Variants in FAT4 observed in about 807,000 individuals in gnomAD.
The protein encoded by FAT4 is protocadherin Fat 4.
FAT4 carries 84 observed loss-of-function variants against 303.9 expected under a neutral mutation model. The ratio of observed to expected loss-of-function variants is 0.28; its 90% CI spans 0.23 to 0.33. The LOEUF (loss-of-function observed/expected upper bound fraction) is 0.33. Among genes scored for constraint, FAT4 ranks in the 10% least tolerant of loss-of-function variants. The pLI, the probability that FAT4 is intolerant of heterozygous loss-of-function variation, is 1.00. For synonymous variants in FAT4, 2,307 were observed against 2,298.8 expected (o/e 1.00, Z -0.10); for missense variants, 6,005 against 6,146.8 (o/e 0.98, Z 0.77).
In FAT4 at chr4:125,452,778, G is replaced by T. The variant is rs751299392; in HGVS notation, c.11768G>T (p.Ser3923Ile). 1 of 1,613,280 alleles carries T rather than the reference G, an allele frequency of 6.2e-7. No homozygotes were observed. Among genetic ancestry groups the T allele is most frequent in the Admixed American group, 1.7e-5 (1 of 59,960 alleles). Residue 3923 changes from serine to isoleucine, a missense_variant, in exon 10 of 18, where the codon AGC becomes ATC. Transcript: ENST00000394329. ...NGAICQNFPG[S>I]FNCVCKTGYT... is the part of the protein sequence containing the mutation. Reference sequence around the variant, plus strand: ...GCCATCTGCCAGAATTTTCCAGGAAGCTTCAACTGTGTTTGCAAAACTGGA... The same window carrying T: ...GCCATCTGCCAGAATTTTCCAGGAATCTTCAACTGTGTTTGCAAAACTGGA...
chr4:125,377,779 T>C (rs1733389258), intron 2 of FAT4, among the ~76,000 whole-genome samples: 1 of 151,968 alleles, frequency 6.6e-6, no homozygotes, highest in Non-Finnish European at 1.5e-5. Flanking sequence ...AAAACAAAAT[T>C]AGGACATTTT....
intron 2 of FAT4, among the ~76,000 whole-genome samples, chr4:125,346,112 A>G (rs1248747929): frequency 6.6e-6 from 1 of 152,074 alleles, no homozygotes. Context: ...TTTGAAGTTC[A>G]GTGGACTGAA....
At position 125,451,071 on chromosome 4, in the gene FAT4, C is replaced by A. The variant is rs145285004; in HGVS notation, c.10061C>A (p.Thr3354Asn). 14 of 1,614,008 alleles carry A rather than the reference C, an allele frequency of 8.7e-6. No individual in the cohort carries two copies. In the Admixed American group the frequency reaches 1.0e-4, roughly 12 times the overall value. ...AAGGGTTTCCAGATCAATAAGAAGA[C>A]TGGACAGATTTATGTTTCTGGAATT... ...RKKGFQINKK[T>N]GQIYVSGILD... Residue 3354 changes from threonine (T) to asparagine (N), a missense_variant, in exon 10 of 18, where the codon ACT becomes AAT. Transcript: ENST00000394329.
At chr4:125,408,959 A>C (rs753672585) in intron 5 of FAT4, among the ~76,000 whole-genome samples, 165 bp downstream of exon 5, 48 of 152,280 alleles carry the variant, frequency 3.2e-4, no homozygotes, top group Non-Finnish European at 5.7e-4. Context: ...TTTAAAAATT[A>C]AGTACTTTAT....
intron 2 of FAT4, among the ~76,000 whole-genome samples, chr4:125,371,902 C>T (rs144010907): frequency 2.0e-5 from 3 of 152,186 alleles, no homozygotes; most frequent in Admixed American, 6.5e-5. Context: ...TGTTCAACTG[C>T]TCTATTCCAT....
intron 2 of FAT4, among the ~76,000 whole-genome samples, chr4:125,334,420 C>T (rs1731496804): frequency 6.6e-6 from 1 of 152,026 alleles, no homozygotes. Context: ...ACAGCTATAA[C>T]CTTTCTTTTT....
intron 2 of FAT4, among the ~76,000 whole-genome samples, chr4:125,364,813 A>G (rs1578562429): frequency 6.6e-6 from 1 of 152,284 alleles, no homozygotes; most frequent in African/African-American, 2.4e-5. Context: ...TAAGACTAAA[A>G]GTTTGGTAGT....
chr4:125,422,511 C>T (rs1238088559), intron 7 of FAT4, among the ~76,000 whole-genome samples: 3 of 152,048 alleles, frequency 2.0e-5, no homozygotes, highest in Non-Finnish European at 4.4e-5. Context: ...GGGGATTTTC[C>T]CCCTTTGCTC....
chr4:125,317,787 C>T lies in FAT4; in HGVS notation c.1376C>T (p.Ala459Val). The T allele has an allele frequency of 6.2e-7, 1 of 1,614,216 alleles. No homozygotes were observed. The highest frequency in any genetic ancestry group is 8.5e-7 in the Non-Finnish European group (1 of 1,180,044). ...GAAVQARSSVASLVIFVNDIN... is the reference protein window; with the variant it reads ...GAAVQARSSVVSLVIFVNDIN... ...GCAGTCCAGGCGCGCTCTTCTGTGG[C>T]AAGCCTGGTGATTTTTGTTAATGAC... The change falls in exon 2 of 18, where the codon GCA becomes GTA. Residue 459 changes from alanine (A) to valine (V), a missense_variant. Ala to Val is a moderately conservative substitution (Grantham distance 64). Transcript: ENST00000394329. This position sits in a 1 kb window ranked among gnomAD's most constrained non-coding sequence, Gnocchi z 7.0.
At chr4:125,463,488 C>A in intron 10 of FAT4, 75 bp from the exon 11 acceptor site, 2 of 773,184 alleles carry the variant, frequency 2.6e-6, no homozygotes, top group Non-Finnish European at 3.9e-6. Flanking sequence ...AAGATTTTTA[C>A]GTATGGTAAT....
rs1415975294 is a variant in FAT4, at chr4:125,319,003, G to C, written c.2592G>C (p.Leu864=). The change falls in exon 2 of 18, where the codon CTG becomes CTC. Residue 864 remains leucine (L), a synonymous_variant. Transcript: ENST00000394329. The part of the protein sequence containing the change: ...IDREEQSFYQ[L]KVVASGGTVT... ...GAGAAGAGCAATCCTTTTATCAGCT[G>C]AAGGTAGTGGCCAGTGGGGGCACAG... 2 of 1,614,210 alleles carry C rather than the reference G, an allele frequency of 1.2e-6. No homozygotes were observed. The highest frequency in any genetic ancestry group is 8.5e-7 in the Non-Finnish European group (1 of 1,180,040).
chr4:125,429,918 A>T (rs1447055239), intron 7 of FAT4, among the ~76,000 whole-genome samples: 1 of 152,116 alleles, frequency 6.6e-6, no homozygotes, highest in East Asian at 1.9e-4. Flanking sequence ...TTCAAATAGG[A>T]TGTATCCACT....
intron 9 of FAT4, 28 bp from the exon 10 acceptor site, chr4:125,448,433 G>A (rs1441567408): frequency 3.8e-6 from 6 of 1,562,464 alleles, no homozygotes; most frequent in Middle Eastern, 1.7e-4. Flanking sequence ...TTCCACGTGA[G>A]TATAACTGCA....
chr4:125,366,385 G>T (rs1302930268), intron 2 of FAT4, among the ~76,000 whole-genome samples: 2 of 152,070 alleles, frequency 1.3e-5, no homozygotes, highest in African/African-American at 4.8e-5. Flanking sequence ...GTTGGGTAAG[G>T]AAATGGTCTC....
At position 125,416,545 on chromosome 4, in the gene FAT4, G is replaced by C; in HGVS notation, c.6941G>C (p.Gly2314Ala). The C allele has an allele frequency of 1.2e-6, 2 of 1,613,988 alleles. No homozygotes were observed. Among genetic ancestry groups the C allele is most frequent in the Non-Finnish European group, 1.7e-6 (2 of 1,179,916 alleles). ...EDNAFTLSAS[G>A]ELGVTQSLDR... The stretch of plus-strand genomic sequence containing the variant: ...AATGCTTTTACTCTCTCAGCCAGTG[G>C]AGAACTTGGAGTAACACAGAGTCTG... Residue 2314 changes from glycine (G) to alanine (A), a missense_variant, in exon 7 of 18, where the codon GGA (glycine) becomes GCA (alanine). Transcript: ENST00000394329.
intron 2 of FAT4, among the ~76,000 whole-genome samples, chr4:125,326,911 G>A (rs1169798846): frequency 2.6e-5 from 4 of 152,112 alleles, no homozygotes; most frequent in African/African-American, 9.7e-5. Context: ...TGTAGTCCCA[G>A]CTACTTGGGA....
At chr4:125,441,365 T>G (rs977930881) in intron 8 of FAT4, among the ~76,000 whole-genome samples, 1 of 152,100 alleles carries the variant, frequency 6.6e-6, no homozygotes, top group Admixed American at 6.6e-5. Context: ...AAAGACAGTA[T>G]CAGGTACTAA....
In FAT4 at chr4:125,449,340, A is replaced by C. The variant is rs1171883098; in HGVS notation, c.8330A>C (p.Gln2777Pro). The change falls in exon 10 of 18, where the codon CAG becomes CCG. Residue 2777 changes from glutamine to proline, a missense_variant. Physicochemically the swap from Gln to Pro is moderately conservative, Grantham distance 76 (BLOSUM62 -1). Transcript: ENST00000394329. ...DENDNAPRFS[Q>P]IFSAHVPENS... is the part of the protein sequence containing the mutation. Reference sequence around the variant, plus strand: ...AATGATAATGCCCCTAGGTTTTCTCAGATATTTAGTGCCCATGTTCCTGAA... The same window carrying C: ...AATGATAATGCCCCTAGGTTTTCTCCGATATTTAGTGCCCATGTTCCTGAA... 6.2e-7 allele frequency: 1 copy of C among 1,613,904 alleles called. No homozygotes were observed. The highest frequency in any genetic ancestry group is 8.5e-7 in the Non-Finnish European group (1 of 1,179,856).
chr4:125,334,766 C>T (rs1731508406), intron 2 of FAT4, among the ~76,000 whole-genome samples: 1 of 152,058 alleles, frequency 6.6e-6, no homozygotes, highest in Admixed American at 6.6e-5. Context: ...GAATTTTCCT[C>T]ACCAGTAGCT....
Sources: gnomAD v4.1 joint callset for allele counts (sites outside exome capture counted in the v4.1 genomes callset) on GRCh38, gnomAD v4.1.1 for gene constraint, Gnocchi (gnomAD v3.1) non-coding constraint, MANE v1.5 for transcripts, NCBI Gene and HGNC (gene_info 2026-07-23, HGNC 2026-07-21) for gene names.